Variants in PDIA3 observed in about 807,000 individuals in gnomAD.
The protein encoded by PDIA3 is protein disulfide isomerase family A member 3.
Under a neutral mutation model 56.9 loss-of-function variants are expected in PDIA3, and 16 were observed. That is an observed-to-expected ratio of 0.28 (90% CI 0.19 to 0.43). The LOEUF (loss-of-function observed/expected upper bound fraction) is 0.43. PDIA3 is among the 20% of genes least tolerant of loss of function. PDIA3 has a pLI of 1.00. For synonymous variants in PDIA3, 192 were observed against 216.5 expected, an observed-to-expected ratio of 0.89 and a Z score of 0.99; for missense variants, 485 against 621.3, an observed-to-expected ratio of 0.78 and a Z score of 2.33.
intron 10 of PDIA3, 112 bp downstream of exon 10, chr15:43,769,758 C>G (rs868369088): frequency 8.5e-7 from 1 of 1,174,428 alleles, no homozygotes; most frequent in Middle Eastern, 2.0e-4. Context: ...GATTTTTTTC[C>G]CAATTACTTG....
intron 2 of PDIA3, 41 bp downstream of exon 2, chr15:43,753,943 T>C: frequency 7.2e-7 from 1 of 1,379,644 alleles, no homozygotes; most frequent in South Asian, 1.2e-5. Context: ...CGTGAAGTAT[T>C]TTAAAAAGTA....
chr15:43,746,874 G>C lies in PDIA3; in HGVS notation c.167+168G>C, dbSNP rs190314658. ...GAGCTGGAGGCGCCTCGCCGAGAGC[G>C]GGGGAGTCGGTGCTGATCGGCCCAA... On this transcript the variant is annotated intron_variant, in intron 1 of 12. Coordinates refer to ENST00000300289, the MANE Select transcript of PDIA3 (RefSeq NM_005313.5). The C allele has an allele frequency of 2.6e-3, 1,934 of 746,998 alleles. 65 individuals carry two copies. The East Asian group carries it at 0.048, about 19-fold the overall frequency. The allele number at this position is 746,998 out of a possible 1,614,324, so 46.3% of individuals were successfully genotyped here.
Position 43,765,561 on chromosome 15 carries a change from A to G in PDIA3, c.714A>G (p.Glu238=). 1 of 1,542,972 alleles carries G rather than the reference A, an allele frequency of 6.5e-7. No individual in the cohort carries two copies. The highest frequency in any genetic ancestry group is 9.0e-7 in the Non-Finnish European group (1 of 1,116,806). ...GCAAAATTAAAAAGTTTATCCAGGA[A>G]AACATGTGAGTACTTCTTTGTATCT... ...TSGKIKKFIQ[E]NIFGICPHMT... is the part of the protein sequence containing the mutation. The change falls in exon 6 of 13, where the codon GAA becomes GAG. Residue 238 remains glutamate (E), a synonymous_variant. Transcript: ENST00000300289.
Position 43,771,868 on chromosome 15 carries a change from C to G in PDIA3, c.*650C>G. ...CTGGTGATTAGAACAGCTGAAGGGC[C>G]TTTCTTGTTAGGCTGTCCATGCCCT... is the stretch of plus-strand genomic sequence containing the variant. On this transcript the variant is annotated 3_prime_UTR_variant, in exon 13 of 13. Coordinates refer to ENST00000300289, the MANE Select transcript of PDIA3 (RefSeq NM_005313.5). 1 of 367,322 alleles carries G rather than the reference C, an allele frequency of 2.7e-6. No homozygotes were observed. The allele number at this position is 367,322 out of a possible 1,614,324, so 22.8% of individuals were successfully genotyped here.
Position 43,746,439 on chromosome 15 carries a change from G to C in PDIA3, c.-101G>C. 8.1e-7 allele frequency: 1 copy of C among 1,231,118 alleles called. No individual in the cohort carries two copies. Among genetic ancestry groups the C allele is most frequent in the South Asian group, 1.7e-5 (1 of 60,106 alleles). 76.3% of individuals were successfully genotyped at this position (1,231,118 alleles called of 1,614,324 possible). A position where few individuals can be genotyped will look rare whatever the true frequency, so the allele number is the denominator to read the frequency against. ...TCCGGCTGCAGGTCCGCCTGGGCCAGACGCGCGAGCGCAAGCAGCGGGTTA... is the reference window on the plus strand; with the variant it reads ...TCCGGCTGCAGGTCCGCCTGGGCCACACGCGCGAGCGCAAGCAGCGGGTTA... On this transcript the variant is annotated 5_prime_UTR_variant, in exon 1 of 13. Transcript: ENST00000300289.
rs550605353 is a variant in PDIA3, at chr15:43,763,518, G to C, written c.602+312G>C. On this transcript the variant is annotated intron_variant, in intron 5 of 12. Transcript: ENST00000300289. ...TCCACCCACCTCGGCCTCCCAAAGT[G>C]CTGAGATTACAGGCATGAGCCACCG... 6.6e-5 allele frequency among the ~76,000 whole-genome samples: 10 copies of C among 152,300 alleles called. No individual in the cohort carries two copies. In the East Asian group the frequency reaches 1.5e-3, roughly 23 times the overall value.
At chr15:43,751,223 AT>A (rs144704543) in intron 1 of PDIA3, among the ~76,000 whole-genome samples, 14 of 148,146 alleles carry the variant, frequency 9.5e-5, no homozygotes, top group South Asian at 4.3e-4. Context: ...TTTAGCTCAT[AT>A]TTTTTTTTTC....
chr15:43,746,529 A>C lies in PDIA3; in HGVS notation c.-11A>C. Reference sequence around the variant, plus strand: ...CGACCCTTCCGGCCGTCCCCACCCCACCTCGCCGCCATGCGCCTCCGCCGC... The same window carrying C: ...CGACCCTTCCGGCCGTCCCCACCCCCCCTCGCCGCCATGCGCCTCCGCCGC... On this transcript the variant is annotated 5_prime_UTR_variant, in exon 1 of 13. Transcript: ENST00000300289. The C allele has an allele frequency of 3.2e-6, 5 of 1,586,704 alleles. No individual in the cohort carries two copies. Among genetic ancestry groups the C allele is most frequent in the Non-Finnish European group, 4.3e-6 (5 of 1,169,470 alleles).
intron 1 of PDIA3, chr15:43,751,566 C>G: frequency 1.5e-6 from 2 of 1,302,022 alleles, no homozygotes; most frequent in Non-Finnish European, 2.0e-6. Context: ...CCCTGATTTC[C>G]CTTAAATACC....
intron 1 of PDIA3, among the ~76,000 whole-genome samples, chr15:43,747,268 G>A (rs2086713230): frequency 6.6e-6 from 1 of 152,190 alleles, no homozygotes; most frequent in Non-Finnish European, 1.5e-5. Flanking sequence ...CCCTTCAGCT[G>A]ATCACTTACA....
In PDIA3 at chr15:43,769,551, A is replaced by G. The variant is rs200746018; in HGVS notation, c.1171A>G (p.Asn391Asp). 6.2e-7 allele frequency: 1 copy of G among 1,612,982 alleles called. No individual in the cohort carries two copies. Among genetic ancestry groups the G allele is most frequent in the East Asian group, 2.2e-5 (1 of 44,882 alleles). ...VVAENFDEIV[N>D]NENKDVLIEF... ...AGCAGAGAATTTTGATGAAATAGTG[A>G]ATAATGAAAATAAAGATGTGCTGAT... The change falls in exon 10 of 13, where the codon AAT (asparagine) becomes GAT (aspartate). Residue 391 changes from asparagine to aspartate, a missense_variant. Coordinates refer to ENST00000300289, the MANE Select transcript of PDIA3 (RefSeq NM_005313.5).
intron 2 of PDIA3, among the ~76,000 whole-genome samples, chr15:43,755,747 C>G (rs573155047): frequency 6.6e-6 from 1 of 152,212 alleles, no homozygotes; most frequent in Admixed American, 6.5e-5. Context: ...AACCCCGTCT[C>G]TACTAAAAAT....
chr15:43,766,649 C>G, intron 7 of PDIA3, 79 bp from the exon 8 acceptor site: 1 of 1,123,054 alleles, frequency 8.9e-7, no homozygotes. Flanking sequence ...TCTTTGCTTT[C>G]CAATCACTTG....
At chr15:43,753,140 C>G (rs1281924474) in intron 1 of PDIA3, among the ~76,000 whole-genome samples, 1 of 150,334 alleles carries the variant, frequency 6.7e-6, no homozygotes, top group Admixed American at 6.7e-5. Flanking sequence ...TGCAGTGGCG[C>G]GATGTCAGCT....
At chr15:43,750,962 T>G (rs1351327746) in intron 1 of PDIA3, among the ~76,000 whole-genome samples, 1 of 151,308 alleles carries the variant, frequency 6.6e-6, no homozygotes, top group Non-Finnish European at 1.5e-5. Flanking sequence ...GGAAACCTTG[T>G]CTCTACTAAA....
At chr15:43,761,401 T>C in intron 3 of PDIA3, 23 bp from the exon 4 acceptor site, 1 of 1,292,780 alleles carries the variant, frequency 7.7e-7, no homozygotes, top group Non-Finnish European at 1.1e-6. Flanking sequence ...TGTGTTGTCA[T>C]AACTTTTATT....
At chr15:43,763,027 A>C (rs749031059) in intron 4 of PDIA3, 50 bp from the exon 5 acceptor site, 1 of 1,581,096 alleles carries the variant, frequency 6.3e-7, no homozygotes, top group South Asian at 1.1e-5. Context: ...TGGAATGTCC[A>C]TCTGTCAGCA....
intron 5 of PDIA3, 80 bp downstream of exon 5, chr15:43,763,286 T>C: frequency 6.7e-7 from 1 of 1,491,928 alleles, no homozygotes; most frequent in Non-Finnish European, 9.2e-7. Flanking sequence ...AAGGTTTCAC[T>C]CTGTCACCCA....
chr15:43,769,446 G>A (rs2086868075), intron 9 of PDIA3, 72 bp from the exon 10 acceptor site: 1 of 1,409,898 alleles, frequency 7.1e-7, no homozygotes, highest in Admixed American at 1.8e-5. Flanking sequence ...AGAGGGATTG[G>A]GTCTAGGAAC....
Sources: gnomAD v4.1 joint callset for allele counts (sites outside exome capture counted in the v4.1 genomes callset) on GRCh38, gnomAD v4.1.1 for gene constraint, MANE v1.5 for transcripts, NCBI Gene and HGNC (gene_info 2026-07-23, HGNC 2026-07-21) for gene names.